KIF20B: variants seen among roughly 807,000 people sequenced by gnomAD.
The protein encoded by KIF20B is kinesin family member 20B.
In KIF20B, 188 loss-of-function variants were observed where a neutral mutation model predicts 232.5. That is an observed-to-expected ratio of 0.81 (90% CI 0.72 to 0.91). The LOEUF (loss-of-function observed/expected upper bound fraction) is 0.91, where lower values mean the gene tolerates loss of function less well. Ranked by LOEUF, KIF20B falls within the 40% of genes least tolerant of loss-of-function variation. The pLI is 0.00. For synonymous variants in KIF20B, 712 were observed against 683.0 expected (o/e 1.04, Z -0.66); for missense variants, 2,154 against 2,055.9 (o/e 1.05, Z -0.92).
chr10:89,769,337 C>T lies in KIF20B; in HGVS notation c.5242+449C>T, dbSNP rs111897369. Among the ~76,000 whole-genome samples, 638 of 152,026 alleles carry T rather than the reference C, an allele frequency of 4.2e-3. 5 individuals are homozygous for T. The highest frequency in any genetic ancestry group is 0.014 in the African/African-American group (583 of 41,512). On this transcript the variant is annotated intron_variant, in intron 31 of 32. Transcript: ENST00000371728. ...TTGGTTGGGGCAGGAAATCCCCTTC[C>T]TCATCCCTGTTTTCTGCTTATCACT... is the stretch of plus-strand genomic sequence containing the variant.
Position 89,701,609 on chromosome 10 carries a change from C to T in KIF20B, c.-73C>T, listed in dbSNP as rs1842609829. 6.6e-6 allele frequency: 1 copy of T among 152,324 alleles called. No homozygotes were observed. Among genetic ancestry groups the T allele is most frequent in the African/African-American group, 2.4e-5 (1 of 41,456 alleles). 9.4% of individuals were successfully genotyped at this position (152,324 alleles called of 1,614,324 possible). ...GCGTTCAGTGCGGTGCCCTGGCCGC[C>T]ATTGTTTGAATTTGAAAACGGTAAC... On this transcript the variant is annotated 5_prime_UTR_variant, in exon 1 of 33. Transcript: ENST00000371728.
At chr10:89,751,598 T>G in intron 24 of KIF20B, 127 bp downstream of exon 24, 1 of 874,378 alleles carries the variant, frequency 1.1e-6, no homozygotes, top group Non-Finnish European at 1.8e-6. Flanking sequence ...ATTTGGTGTT[T>G]TTTGAATGTC....
chr10:89,772,877 C>G (rs1842493587), intron 32 of KIF20B, 46 bp downstream of exon 32: 3 of 1,500,266 alleles, frequency 2.0e-6, no homozygotes, highest in Non-Finnish European at 2.7e-6. Flanking sequence ...TGTTCGTGTT[C>G]TTTTTAATTT....
At position 89,745,960 on chromosome 10, in the gene KIF20B, G is replaced by C; in HGVS notation, c.4096+1G>C. ...CAACAGTATGAGAGAGCATGCAAAG[G>C]TCAGGAACAAGTTTGTACTTCTGGA... On this transcript the variant is annotated splice_donor_variant, in intron 23 of 32. Coordinates refer to ENST00000371728, the MANE Select transcript of KIF20B (RefSeq NM_001284259.2). LOFTEE classifies it high-confidence loss of function. The C allele has an allele frequency of 6.2e-7, 1 of 1,609,150 alleles. No individual in the cohort carries two copies. Among genetic ancestry groups the C allele is most frequent in the Non-Finnish European group, 8.5e-7 (1 of 1,175,554 alleles).
At chr10:89,740,088 G>A (rs1841762819) in intron 21 of KIF20B, among the ~76,000 whole-genome samples, 1 of 152,052 alleles carries the variant, frequency 6.6e-6, no homozygotes, top group Non-Finnish European at 1.5e-5. Flanking sequence ...CTGTGTTAGA[G>A]GATATGAAGT....
intron 27 of KIF20B, among the ~76,000 whole-genome samples, chr10:89,760,203 T>G (rs528891133): frequency 5.3e-5 from 8 of 152,284 alleles, no homozygotes; most frequent in Admixed American, 2.0e-4. Context: ...AAAGTAGGAA[T>G]AATGATTTTT....
At chr10:89,705,490 C>T (rs1279004675) in intron 2 of KIF20B, 49 bp downstream of exon 2, 1 of 1,543,886 alleles carries the variant, frequency 6.5e-7, no homozygotes, top group Admixed American at 1.9e-5. Flanking sequence ...CCTTCTAATG[C>T]AAGGGTTGGC....
At chr10:89,739,371 G>A (rs149196073) in intron 21 of KIF20B, among the ~76,000 whole-genome samples, 41 of 152,222 alleles carry the variant, frequency 2.7e-4, no homozygotes, top group African/African-American at 8.9e-4. Context: ...AAAGTGGAAA[G>A]CAACTTGTTT....
Position 89,751,286 on chromosome 10 carries a change from T to C in KIF20B, c.4097-60T>C, listed in dbSNP as rs534179309. 138 of 1,269,170 alleles carry C rather than the reference T, an allele frequency of 1.1e-4. No homozygotes were observed. The East Asian group carries it at 3.4e-3, about 32-fold the overall frequency. The allele number at this position is 1,269,170 out of a possible 1,614,324, so 78.6% of individuals were successfully genotyped here. ...AATGTATTTTAATTTTAGAAGAACT[T>C]AAGAAAAATTGGATATCTAGAGGCT... On this transcript the variant is annotated intron_variant, in intron 23 of 32. Transcript: ENST00000371728.
chr10:89,758,963 G>GTT, intron 27 of KIF20B, 81 bp downstream of exon 27: 1 of 916,422 alleles, frequency 1.1e-6, no homozygotes, highest in Non-Finnish European at 1.5e-6. Context: ...ATAAAAAAGT[G>GTT]TAAGTCTCAA....
chr10:89,773,237 A>T (rs1032933273), intron 32 of KIF20B, among the ~76,000 whole-genome samples: 13 of 151,992 alleles, frequency 8.6e-5, no homozygotes, highest in Admixed American at 2.0e-4. Flanking sequence ...TTGAGGATCT[A>T]TTAGGAAGAG....
At chr10:89,716,198 G>A (rs562994086) in intron 8 of KIF20B, among the ~76,000 whole-genome samples, 4 of 151,770 alleles carry the variant, frequency 2.6e-5, no homozygotes, top group African/African-American at 4.8e-5. Flanking sequence ...TCAATTTTCC[G>A]TTTGGCAGAC....
rs1417091000 is a variant in KIF20B, at chr10:89,768,387, A to C, written c.5087A>C (p.Gln1696Pro). 6.5e-7 allele frequency: 1 copy of C among 1,541,602 alleles called. No homozygotes were observed. The highest frequency in any genetic ancestry group is 8.9e-7 in the Non-Finnish European group (1 of 1,128,388). Reference protein sequence around the residue: ...DDRNSSVKKEQKVAIRPSSKK... With the variant: ...DDRNSSVKKEPKVAIRPSSKK... ...AGAAATTCTTCTGTCAAAAAGGAAC[A>C]AAAGGTGTGTCTTTTAATTTGTCCA... The change falls in exon 30 of 33, where the codon CAA becomes CCA. Residue 1696 changes from glutamine (Q) to proline (P), a missense_variant. Coordinates refer to ENST00000371728, the MANE Select transcript of KIF20B (RefSeq NM_001284259.2).
chr10:89,747,466 G>A (rs1841937857), intron 23 of KIF20B, among the ~76,000 whole-genome samples: 1 of 151,818 alleles, frequency 6.6e-6, no homozygotes, highest in African/African-American at 2.4e-5. Flanking sequence ...ATTCACAATA[G>A]CAAAGACTTG....
rs1841734163 is a variant in KIF20B at position 89,739,024 on chromosome 10, GGAA to G, written c.3849_3851del (p.Glu1283del). ...ATCTGAAAGCAGATCTTCAGAGGAA[GGAA>G]GAAGATTATGCTGACCTGAAAGAGA... On this transcript the variant is annotated inframe_deletion, in exon 21 of 33. Coordinates refer to ENST00000371728, the MANE Select transcript of KIF20B (RefSeq NM_001284259.2). 10 of 1,613,108 alleles carry G rather than the reference GGAA, an allele frequency of 6.2e-6. No individual in the cohort carries two copies. Among genetic ancestry groups the G allele is most frequent in the South Asian group, 2.2e-5 (2 of 91,034 alleles).
intron 19 of KIF20B, among the ~76,000 whole-genome samples, chr10:89,736,599 G>A (rs1841658825): frequency 6.6e-6 from 1 of 152,074 alleles, no homozygotes; most frequent in African/African-American, 2.4e-5. Context: ...AGAGTAAGTT[G>A]GGCAGGTAAG....
intron 31 of KIF20B, among the ~76,000 whole-genome samples, chr10:89,771,492 G>T (rs1330389339): frequency 6.6e-6 from 1 of 151,978 alleles, no homozygotes; most frequent in Non-Finnish European, 1.5e-5. Context: ...CAGACTTGAT[G>T]CATAGCCAAT....
chr10:89,750,269 A>G (rs1370585624), intron 23 of KIF20B, among the ~76,000 whole-genome samples: 1 of 152,076 alleles, frequency 6.6e-6, no homozygotes. Context: ...CAGAAATGCA[A>G]AGTGTAAGAG....
intron 29 of KIF20B, among the ~76,000 whole-genome samples, chr10:89,764,525 G>A (rs1474881025): frequency 6.6e-6 from 1 of 152,150 alleles, no homozygotes; most frequent in Non-Finnish European, 1.5e-5. Flanking sequence ...GTGTAAAAGT[G>A]TTCCTATTTC....
Sources: gnomAD v4.1 joint callset for allele counts (sites outside exome capture counted in the v4.1 genomes callset) on GRCh38, gnomAD v4.1.1 for gene constraint, MANE v1.5 for transcripts, NCBI Gene and HGNC (gene_info 2026-07-23, HGNC 2026-07-21) for gene names.